Variants in LEPR observed in about 807,000 individuals in gnomAD.
LEPR encodes OB receptor.
In LEPR, 56 loss-of-function variants were observed where a neutral mutation model predicts 114.7. The ratio of observed to expected loss-of-function variants is 0.49; its 90% CI spans 0.39 to 0.61. The LOEUF is 0.61. LEPR is among the 20% of genes least tolerant of loss of function. The probability of loss-of-function intolerance (pLI) is 0.00; values close to 1 mark genes in which losing one functional copy is unlikely to be tolerated. For synonymous variants in LEPR, 443 were observed against 461.4 expected, an observed-to-expected ratio of 0.96 and a Z score of 0.51; for missense variants, 1,202 against 1,352.9, an observed-to-expected ratio of 0.89 and a Z score of 1.75.
At chr1:65,573,659 T>C (rs1337082326) in intron 5 of LEPR, among the ~76,000 whole-genome samples, 13 of 152,202 alleles carry the variant, frequency 8.5e-5, no homozygotes, top group Admixed American at 8.5e-4. Flanking sequence ...TTCCTTCAGT[T>C]CTGCAGTTAT....
chr1:65,483,177 T>C (rs1370856125), intron 2 of LEPR, among the ~76,000 whole-genome samples: 16 of 151,854 alleles, frequency 1.1e-4, no homozygotes, highest in African/African-American at 3.9e-4. Context: ...GAAAGCAGAC[T>C]TGGAGAATGT....
chr1:65,557,755 T>C (rs1378581723), intron 2 of LEPR, among the ~76,000 whole-genome samples: 1 of 152,212 alleles, frequency 6.6e-6, no homozygotes, highest in African/African-American at 2.4e-5. Context: ...AAAAAACTTC[T>C]TTATATTCCT....
chr1:65,455,456 T>A (rs1646856061), intron 2 of LEPR, among the ~76,000 whole-genome samples: 1 of 152,186 alleles, frequency 6.6e-6, no homozygotes, highest in African/African-American at 2.4e-5. Flanking sequence ...ACAGATGGGT[T>A]TTTGGTGTGG....
chr1:65,598,826 TCTA>T, intron 8 of LEPR, 22 bp downstream of exon 8: 1 of 1,612,920 alleles, frequency 6.2e-7, no homozygotes, highest in South Asian at 1.1e-5. Context: ...AATAGCCACT[TCTA>T]CTGGGAGGGA....
chr1:65,553,946 T>G (rs1281792160), intron 2 of LEPR, among the ~76,000 whole-genome samples: 1 of 152,204 alleles, frequency 6.6e-6, no homozygotes, highest in Non-Finnish European at 1.5e-5. Context: ...TTAGTTTTCC[T>G]TCTACCAGTC....
chr1:65,636,640 T>G lies in LEPR; in HGVS notation c.3123T>G (p.Asp1041Glu). The G allele has an allele frequency of 6.2e-7, 1 of 1,611,984 alleles. No individual in the cohort carries two copies. The change falls in exon 20 of 20, where the codon GAT becomes GAG. Residue 1041 changes from aspartate to glutamate, a missense_variant. Physicochemically the swap from Asp to Glu is conservative, Grantham distance 45. Coordinates refer to ENST00000349533, the MANE Select transcript of LEPR (RefSeq NM_002303.6). ...CCCAGGCATTTTTTATATTATCAGA[T>G]CAGCATCCCAACATAATTTCACCAC... ...IEAQAFFILS[D>E]QHPNIISPHL...
At chr1:65,569,470 A>T (rs1014474021) in intron 3 of LEPR, among the ~76,000 whole-genome samples, 3 of 151,994 alleles carry the variant, frequency 2.0e-5, no homozygotes, top group African/African-American at 7.2e-5. Flanking sequence ...ACTTTGGGAG[A>T]CCAAGGTGGG....
At chr1:65,565,764 G>GT (rs1276875841) in intron 3 of LEPR, among the ~76,000 whole-genome samples, 159 bp downstream of exon 3, 7 of 152,064 alleles carry the variant, frequency 4.6e-5, no homozygotes, top group Non-Finnish European at 8.8e-5. Context: ...TAGTATAGGT[G>GT]TATCAGTGTG....
intron 2 of LEPR, among the ~76,000 whole-genome samples, chr1:65,558,347 G>C (rs918590988): frequency 2.0e-5 from 3 of 151,950 alleles, no homozygotes; most frequent in African/African-American, 7.3e-5. Flanking sequence ...AAATTTACTG[G>C]ACTACCCACT....
rs560464937 is a variant in LEPR, at chr1:65,582,873, A to C, written c.495-9784A>C. 5.3e-4 allele frequency among the ~76,000 whole-genome samples: 80 copies of C among 152,328 alleles called. 1 individual carries two copies. The highest frequency in any genetic ancestry group is 5.1e-3 in the Admixed American group (78 of 15,292). ...TTTTCTCTGTTACACATTTCTGTCA[A>C]GTAACCACCCCATTTCACTACTTCT... On this transcript the variant is annotated intron_variant, in intron 5 of 19. Transcript: ENST00000349533.
intron 11 of LEPR, among the ~76,000 whole-genome samples, chr1:65,606,537 G>A (rs1570802590): frequency 6.6e-6 from 1 of 152,136 alleles, no homozygotes; most frequent in East Asian, 1.9e-4. Flanking sequence ...CTATGTGTCT[G>A]TTTTGTCATC....
chr1:65,463,494 T>G (rs1176757183), intron 2 of LEPR, among the ~76,000 whole-genome samples: 2 of 152,226 alleles, frequency 1.3e-5, no homozygotes, highest in Admixed American at 1.3e-4. Flanking sequence ...TAGGATTGTC[T>G]TGGCTATGTG....
At chr1:65,612,283 T>A (rs1657227730) in intron 14 of LEPR, among the ~76,000 whole-genome samples, 1 of 152,234 alleles carries the variant, frequency 6.6e-6, no homozygotes, top group African/African-American at 2.4e-5. Flanking sequence ...TCCTATGTAT[T>A]CCCACACCAA....
At chr1:65,602,531 G>T (rs1016186742) in intron 10 of LEPR, among the ~76,000 whole-genome samples, 7 of 151,994 alleles carry the variant, frequency 4.6e-5, no homozygotes, top group African/African-American at 1.7e-4. Context: ...TCTTATAGTG[G>T]TCCCTTTCTT....
At chr1:65,620,134 A>C in intron 17 of LEPR, 111 bp downstream of exon 17, 1 of 857,138 alleles carries the variant, frequency 1.2e-6, no homozygotes, top group Non-Finnish European at 1.9e-6. Context: ...GAAGAGTCCA[A>C]AGTCTTCTGT....
chr1:65,488,820 G>A (rs1647716356), intron 2 of LEPR, among the ~76,000 whole-genome samples: 1 of 151,832 alleles, frequency 6.6e-6, no homozygotes, highest in African/African-American at 2.4e-5. Context: ...ATCTCAATGG[G>A]TTCAATTGCT....
intron 2 of LEPR, among the ~76,000 whole-genome samples, chr1:65,446,891 G>C (rs1360605601): frequency 6.6e-6 from 1 of 152,102 alleles, no homozygotes; most frequent in Non-Finnish European, 1.5e-5. Context: ...GAGTGCAGTG[G>C]CACAATCATG....
intron 5 of LEPR, among the ~76,000 whole-genome samples, chr1:65,590,439 G>A (rs1655614737): frequency 1.3e-5 from 2 of 151,174 alleles, no homozygotes; most frequent in African/African-American, 4.9e-5. Context: ...GAGGAACCCA[G>A]TGGGAGGTAA....
At chr1:65,503,127 A>T (rs1648543433) in intron 2 of LEPR, among the ~76,000 whole-genome samples, 1 of 152,128 alleles carries the variant, frequency 6.6e-6, no homozygotes, top group African/African-American at 2.4e-5. Context: ...GCAACAAATA[A>T]ATCAGACATT....
Sources: allele counts gnomAD v4.1 joint callset (sites outside exome capture counted in the v4.1 genomes callset), GRCh38; gene constraint gnomAD v4.1.1; transcripts MANE v1.5; gene names NCBI Gene and HGNC (gene_info 2026-07-23, HGNC 2026-07-21).